Variants in TNFRSF11B observed in about 807,000 individuals in gnomAD.
TNFRSF11B encodes TNF receptor superfamily member 11b.
A neutral mutation model predicts 43.4 loss-of-function variants in TNFRSF11B; 16 were observed. The ratio of observed to expected loss-of-function variants is 0.37; its 90% CI spans 0.25 to 0.56. TNFRSF11B has a LOEUF of 0.56. TNFRSF11B is among the 20% of genes least tolerant of loss of function. The pLI, the probability that TNFRSF11B is intolerant of heterozygous loss-of-function variation, is 0.80. For synonymous variants in TNFRSF11B, 185 were observed against 181.8 expected (o/e 1.02, Z -0.14); for missense variants, 444 against 490.1 (o/e 0.91, Z 0.89).
At chr8:118,941,778 C>T (rs780541108) in intron 1 of TNFRSF11B, among the ~76,000 whole-genome samples, 12 of 152,136 alleles carry the variant, frequency 7.9e-5, no homozygotes, top group Non-Finnish European at 1.5e-4. Context: ...GTAATGCAGG[C>T]ATATGCTTAA....
chr8:118,929,720 C>T (rs1275587689), intron 2 of TNFRSF11B, among the ~76,000 whole-genome samples: 1 of 152,190 alleles, frequency 6.6e-6, no homozygotes, highest in African/African-American at 2.4e-5. Flanking sequence ...AAAATAAATA[C>T]CTTCAAACAC....
intron 1 of TNFRSF11B, among the ~76,000 whole-genome samples, chr8:118,944,194 A>C (rs377637109): frequency 6.6e-6 from 1 of 152,160 alleles, no homozygotes; most frequent in African/African-American, 2.4e-5. Context: ...TAAAAACAGC[A>C]CAGGTTTATT....
intron 1 of TNFRSF11B, 62 bp from the exon 2 acceptor site, chr8:118,933,362 G>A: frequency 6.3e-7 from 1 of 1,598,924 alleles, no homozygotes; most frequent in Non-Finnish European, 8.5e-7. Flanking sequence ...GTTCTTATGT[G>A]CAACAGTATC....
rs117355657 is a variant in TNFRSF11B at position 118,926,377 on chromosome 8, G to A, written c.817+117C>T. ...GTGGAAACTTTTTCAGTCCAACAAT[G>A]ATTCCAACAGGGAAACAAGATCCAC... On this transcript the variant is annotated intron_variant, in intron 4 of 4. Transcript: ENST00000297350. 6,792 of 995,636 alleles carry A rather than the reference G, an allele frequency of 6.8e-3. 36 individuals carry two copies. The highest frequency in any genetic ancestry group is 8.9e-3 in the Non-Finnish European group (5,851 of 654,406). The allele number at this position is 995,636 out of a possible 1,614,324, so 61.7% of individuals were successfully genotyped here.
At chr8:118,951,690 C>T (rs998813143) in intron 1 of TNFRSF11B, 102 bp downstream of exon 1, 9 of 1,148,764 alleles carry the variant, frequency 7.8e-6, no homozygotes, top group Non-Finnish European at 1.1e-5. Context: ...TGGGAGGGAG[C>T]GAGTGGAGCC....
Position 118,951,848 on chromosome 8 carries a change from T to C in TNFRSF11B, c.-27A>G. 6.3e-7 allele frequency: 1 copy of C among 1,577,784 alleles called. No individual in the cohort carries two copies. The highest frequency in any genetic ancestry group is 1.2e-5 in the South Asian group (1 of 85,902). ...GTGGTCCCCGGAAACCTCAGGGGCTTGGAGGCGGCGGCTGGGCGAGCGCTC... is the reference window on the plus strand; with the variant it reads ...GTGGTCCCCGGAAACCTCAGGGGCTCGGAGGCGGCGGCTGGGCGAGCGCTC... On this transcript the variant is annotated 5_prime_UTR_variant, in exon 1 of 5. Coordinates refer to ENST00000297350, the MANE Select transcript of TNFRSF11B (RefSeq NM_002546.4).
At chr8:118,939,322 A>C (rs1435999011) in intron 1 of TNFRSF11B, among the ~76,000 whole-genome samples, 1 of 152,224 alleles carries the variant, frequency 6.6e-6, no homozygotes, top group Non-Finnish European at 1.5e-5. Context: ...TGTTCTGAGA[A>C]TATGACTAAG....
chr8:118,946,005 C>T (rs910975237), intron 1 of TNFRSF11B, among the ~76,000 whole-genome samples: 1 of 152,070 alleles, frequency 6.6e-6, no homozygotes. Context: ...GGTATTAAGA[C>T]TATAAATCTA....
At chr8:118,930,736 T>C (rs1040800206) in intron 2 of TNFRSF11B, 25 of 452,740 alleles carry the variant, frequency 5.5e-5, no homozygotes, top group Non-Finnish European at 9.3e-5. Flanking sequence ...ATTCTTCAGA[T>C]ACATATCTGT....
chr8:118,943,811 G>A (rs1812522723), intron 1 of TNFRSF11B, among the ~76,000 whole-genome samples: 1 of 152,128 alleles, frequency 6.6e-6, no homozygotes, highest in South Asian at 2.1e-4. Flanking sequence ...TCAACTGGAA[G>A]CAATGAAAAG....
At chr8:118,926,219 G>A (rs1026152691) in intron 4 of TNFRSF11B, among the ~76,000 whole-genome samples, 3 of 152,150 alleles carry the variant, frequency 2.0e-5, no homozygotes, top group Non-Finnish European at 4.4e-5. Context: ...GACTCCCTGA[G>A]ATACAGCCCT....
rs538326837 is a variant in TNFRSF11B, at chr8:118,945,382, A to G, written c.30+6410T>C. On this transcript the variant is annotated intron_variant, in intron 1 of 4. Coordinates refer to ENST00000297350, the MANE Select transcript of TNFRSF11B (RefSeq NM_002546.4). ...TAGAGATGCTGGAAGTAAGACCCAT[A>G]GAAATGGTGTCACCCATTGGAGCTC... 4.6e-5 allele frequency among the ~76,000 whole-genome samples: 7 copies of G among 152,200 alleles called. No homozygotes were observed. In the South Asian group the frequency reaches 1.4e-3, roughly 32 times the overall value.
Position 118,924,350 on chromosome 8 carries a change from A to T in TNFRSF11B, c.*24T>A. ...CCATGGGATCTCGCCAATTGTGAGG[A>T]AACAGCTCAATGGCCATTTCCAGTT... On this transcript the variant is annotated 3_prime_UTR_variant, in exon 5 of 5. Coordinates refer to ENST00000297350, the MANE Select transcript of TNFRSF11B (RefSeq NM_002546.4). 1 of 1,613,558 alleles carries T rather than the reference A, an allele frequency of 6.2e-7. No homozygotes were observed. The highest frequency in any genetic ancestry group is 8.5e-7 in the Non-Finnish European group (1 of 1,179,844).
intron 3 of TNFRSF11B, among the ~76,000 whole-genome samples, chr8:118,928,094 G>T (rs935193477): frequency 2.6e-5 from 4 of 151,870 alleles, no homozygotes; most frequent in Non-Finnish European, 5.9e-5. Flanking sequence ...TACAATCTCA[G>T]CTCACTGCAA....
chr8:118,944,517 G>A (rs965277141), intron 1 of TNFRSF11B, among the ~76,000 whole-genome samples: 2 of 152,112 alleles, frequency 1.3e-5, no homozygotes, highest in Non-Finnish European at 2.9e-5. Context: ...GAAGAACTGG[G>A]AACAACTGGC....
chr8:118,928,366 T>G (rs1442830268), intron 3 of TNFRSF11B, among the ~76,000 whole-genome samples: 1 of 152,196 alleles, frequency 6.6e-6, no homozygotes, highest in Non-Finnish European at 1.5e-5. Context: ...TAGTTGCCAA[T>G]TTATACTTTA....
chr8:118,924,811 C>A lies in TNFRSF11B; in HGVS notation c.818-49G>T, dbSNP rs11573941. 2,519 of 1,611,470 alleles carry A rather than the reference C, an allele frequency of 1.6e-3. 34 individuals are homozygous for A. In the African/African-American group the frequency reaches 0.029, roughly 18 times the overall value. Reference sequence around the variant, plus strand: ...AAGTGTTCACATCATTTATATTCATCCAATGCCATCATAAAACAAGCGTGA... The same window carrying A: ...AAGTGTTCACATCATTTATATTCATACAATGCCATCATAAAACAAGCGTGA... On this transcript the variant is annotated intron_variant, in intron 4 of 4. Coordinates refer to ENST00000297350, the MANE Select transcript of TNFRSF11B (RefSeq NM_002546.4).
intron 1 of TNFRSF11B, among the ~76,000 whole-genome samples, chr8:118,940,161 C>T (rs1033789467): frequency 6.6e-6 from 1 of 152,118 alleles, no homozygotes; most frequent in African/African-American, 2.4e-5. Context: ...CAGGGAACAT[C>T]ACACACCAGG....
chr8:118,925,798 A>G (rs976012693), intron 4 of TNFRSF11B, among the ~76,000 whole-genome samples: 4 of 152,214 alleles, frequency 2.6e-5, no homozygotes, highest in Non-Finnish European at 5.9e-5. Context: ...TAAAGCTTAC[A>G]GTCCACACTG....
Sources: allele counts gnomAD v4.1 joint callset (sites outside exome capture counted in the v4.1 genomes callset), GRCh38; gene constraint gnomAD v4.1.1; transcripts MANE v1.5; gene names NCBI Gene and HGNC (gene_info 2026-07-23, HGNC 2026-07-21).